Variants in OPCML observed in about 807,000 individuals in gnomAD.
OPCML encodes the protein opioid-binding protein/cell adhesion molecule.
In OPCML, 13 loss-of-function variants were observed where a neutral mutation model predicts 37.8. The observed-to-expected ratio is 0.34, with a 90% confidence interval of 0.22 to 0.55. The LOEUF (loss-of-function observed/expected upper bound fraction) is 0.55, where lower values mean the gene tolerates loss of function less well. Ranked by LOEUF, OPCML falls within the 20% of genes least tolerant of loss-of-function variation. The pLI, the probability that OPCML is intolerant of heterozygous loss-of-function variation, is 0.91. For missense variants in OPCML, 341 were observed against 435.6 expected, an observed-to-expected ratio of 0.78 and a Z score of 1.93; for synonymous variants, 176 against 168.8, an observed-to-expected ratio of 1.04 and a Z score of -0.33.
intron 1 of OPCML, among the ~76,000 whole-genome samples, chr11:133,315,660 T>C (rs758545703): frequency 9.9e-5 from 15 of 152,122 alleles, no homozygotes; most frequent in Admixed American, 3.3e-4. Context: ...TAGCCCGGCA[T>C]AGTGGCACGT....
rs113069073 is a variant in OPCML, at chr11:133,057,524, T to C, written c.62-114514A>G. On this transcript the variant is annotated intron_variant, in intron 1 of 7. Transcript: ENST00000524381. ...TTCTGGGTGGGTGTGGCCAGTAGAA[T>C]TCTCCAGTAGGACATGGGAGGTGGA... is the stretch of plus-strand genomic sequence containing the variant. Among the ~76,000 whole-genome samples, 1,138 of 152,298 alleles carry C rather than the reference T, an allele frequency of 7.5e-3. 27 individuals are homozygous for C. Among genetic ancestry groups the C allele is most frequent in the African/African-American group, 0.027 (1,104 of 41,572 alleles).
At chr11:132,585,096 A>G (rs1346876746) in intron 3 of OPCML, among the ~76,000 whole-genome samples, 1 of 152,154 alleles carries the variant, frequency 6.6e-6, no homozygotes, top group African/African-American at 2.4e-5. Flanking sequence ...TAAATTATGT[A>G]AGGAGGCAGC....
At chr11:132,660,787 C>T (rs1288222145) in intron 2 of OPCML, among the ~76,000 whole-genome samples, 2 of 152,006 alleles carry the variant, frequency 1.3e-5, no homozygotes, top group Non-Finnish European at 2.9e-5. Flanking sequence ...AGACTGATAC[C>T]CTGCTCCATG....
At chr11:133,413,680 CCT>C (rs1056105998) in intron 1 of OPCML, among the ~76,000 whole-genome samples, 4 of 152,104 alleles carry the variant, frequency 2.6e-5, no homozygotes, top group African/African-American at 7.2e-5. Context: ...CATGTCTTTC[CCT>C]CTCTTTGTCC....
At chr11:132,496,924 T>C (rs955591292) in intron 4 of OPCML, among the ~76,000 whole-genome samples, 1 of 152,184 alleles carries the variant, frequency 6.6e-6, no homozygotes, top group Non-Finnish European at 1.5e-5. Flanking sequence ...ATAATAACGA[T>C]GAGCAGGTAC....
intron 2 of OPCML, among the ~76,000 whole-genome samples, chr11:132,730,226 G>A (rs1471500287): frequency 6.6e-6 from 1 of 151,680 alleles, no homozygotes; most frequent in African/African-American, 2.4e-5. Context: ...CTAACTAAAG[G>A]TGTAACAGGT....
At chr11:132,808,683 T>C (rs952455893) in intron 2 of OPCML, among the ~76,000 whole-genome samples, 4 of 152,204 alleles carry the variant, frequency 2.6e-5, no homozygotes, top group African/African-American at 9.6e-5. Flanking sequence ...ACCTACTTGC[T>C]GCTAATTATT....
intron 1 of OPCML, among the ~76,000 whole-genome samples, chr11:133,030,885 CT>C (rs989288622): frequency 2.4e-4 from 35 of 146,556 alleles, no homozygotes; most frequent in African/African-American, 6.9e-4. Flanking sequence ...AGAGTTTGGA[CT>C]TTTTTTTTTC....
intron 1 of OPCML, among the ~76,000 whole-genome samples, chr11:133,207,911 T>C (rs566692166): frequency 2.1e-4 from 28 of 133,936 alleles, no homozygotes; most frequent in Admixed American, 5.5e-4. Context: ...CACGCTCTGT[T>C]TTACTTCGCC....
chr11:133,510,165 G>T (rs1486623447), intron 1 of OPCML, among the ~76,000 whole-genome samples: 1 of 152,194 alleles, frequency 6.6e-6, no homozygotes, highest in Non-Finnish European at 1.5e-5. Context: ...CCAATGAGCA[G>T]TGCCCAGGCT....
chr11:133,190,052 G>T (rs1256118573), intron 1 of OPCML, among the ~76,000 whole-genome samples: 1 of 152,068 alleles, frequency 6.6e-6, no homozygotes, highest in East Asian at 1.9e-4. Context: ...GTTCCCATTG[G>T]TCACAGGCAG....
At chr11:132,711,555 AGT>A (rs1944263413) in intron 2 of OPCML, among the ~76,000 whole-genome samples, 1 of 152,172 alleles carries the variant, frequency 6.6e-6, no homozygotes, top group African/African-American at 2.4e-5. Context: ...GGCGAATATT[AGT>A]GTCTTTTCCA....
intron 1 of OPCML, among the ~76,000 whole-genome samples, chr11:133,318,666 C>A (rs1257237531): frequency 6.6e-6 from 1 of 152,182 alleles, no homozygotes; most frequent in African/African-American, 2.4e-5. Flanking sequence ...TTGACGATAT[C>A]TGCTAGTTCA....
intron 4 of OPCML, among the ~76,000 whole-genome samples, chr11:132,442,410 T>C (rs1465223223): frequency 1.3e-5 from 2 of 152,224 alleles, no homozygotes; most frequent in African/African-American, 4.8e-5. Flanking sequence ...ATCTCAGCCA[T>C]CAATCTTGCA....
intron 1 of OPCML, among the ~76,000 whole-genome samples, chr11:133,514,785 C>T (rs1018778517): frequency 6.6e-6 from 1 of 152,148 alleles, no homozygotes; most frequent in African/African-American, 2.4e-5. Context: ...TTTGTCTGAG[C>T]TGTCACTCTC....
intron 1 of OPCML, among the ~76,000 whole-genome samples, chr11:133,030,192 C>T (rs1947640695): frequency 6.6e-6 from 1 of 152,222 alleles, no homozygotes; most frequent in Non-Finnish European, 1.5e-5. Flanking sequence ...AAAACCAAGT[C>T]TCCTAACCAA....
intron 1 of OPCML, among the ~76,000 whole-genome samples, chr11:133,222,277 A>G (rs1279880822): frequency 6.6e-6 from 1 of 152,216 alleles, no homozygotes; most frequent in Non-Finnish European, 1.5e-5. Flanking sequence ...ATAAAGGAGA[A>G]AACAGGGAGA....
intron 1 of OPCML, among the ~76,000 whole-genome samples, chr11:133,183,920 T>C (rs1937953269): frequency 6.6e-6 from 1 of 152,202 alleles, no homozygotes; most frequent in Non-Finnish European, 1.5e-5. Flanking sequence ...CACCCGAGTC[T>C]ACTCTGGCTC....
At chr11:132,650,576 A>T (rs1941379271) in intron 3 of OPCML, among the ~76,000 whole-genome samples, 2 of 149,444 alleles carry the variant, frequency 1.3e-5, no homozygotes, top group Non-Finnish European at 3.0e-5. Context: ...CAATTGACAT[A>T]CACACACACA....
Sources: allele counts gnomAD v4.1 joint callset (sites outside exome capture counted in the v4.1 genomes callset), GRCh38; gene constraint gnomAD v4.1.1; transcripts MANE v1.5; gene names NCBI Gene and HGNC (gene_info 2026-07-23, HGNC 2026-07-21).